The following KLKB1 variants were observed in gnomAD, a reference collection of about 807,000 sequenced individuals.
KLKB1 encodes kallikrein B1.
Under a neutral mutation model 73.6 loss-of-function variants are expected in KLKB1, and 58 were observed. That is an observed-to-expected ratio of 0.79 (90% CI 0.64 to 0.98). The LOEUF (loss-of-function observed/expected upper bound fraction) is 0.98, where lower values mean the gene tolerates loss of function less well. KLKB1 is among the 50% of genes least tolerant of loss of function. The pLI is 0.00. For missense variants in KLKB1, 737 were observed against 763.8 expected, an observed-to-expected ratio of 0.96 and a Z score of 0.41; for synonymous variants, 280 against 258.1, an observed-to-expected ratio of 1.08 and a Z score of -0.81.
chr4:186,236,871 G>T lies in KLKB1; in HGVS notation c.419G>T (p.Arg140Met), dbSNP rs1361582656. The change falls in exon 5 of 15, where the codon AGG (arginine) becomes ATG (methionine). Residue 140 changes from arginine to methionine, a missense_variant. By Grantham distance (91) the Arg-to-Met change is moderately conservative. Transcript: ENST00000264690. ...KVSSVEECQK[R>M]CTSNIRCQFF... ...AGCAGTGTTGAAGAATGCCAAAAAA[G>T]GTGCACCAGTAACATTCGCTGCCAG... 1 of 1,613,882 alleles carries T rather than the reference G, an allele frequency of 6.2e-7. No homozygotes were observed. The highest frequency in any genetic ancestry group is 1.3e-5 in the African/African-American group (1 of 74,946).
At chr4:186,254,860 C>A in intron 12 of KLKB1, 97 bp downstream of exon 12, 3 of 1,094,282 alleles carry the variant, frequency 2.7e-6, no homozygotes, top group East Asian at 2.5e-5. Context: ...AGACTGTCGT[C>A]GTTTTCTGAC....
Position 186,258,199 on chromosome 4 carries a change from A to G in KLKB1, c.1904A>G (p.Gln635Arg), listed in dbSNP as rs1273015491. 2 of 1,614,042 alleles carry G rather than the reference A, an allele frequency of 1.2e-6. No homozygotes were observed. Among genetic ancestry groups the G allele is most frequent in the Admixed American group, 1.7e-5 (1 of 59,996 alleles). The change falls in exon 15 of 15, where the codon CAG (glutamine) becomes CGG (arginine). Residue 635 changes from glutamine (Q) to arginine (R), a missense_variant. By Grantham distance (43) the Gln-to-Arg change is conservative. Transcript: ENST00000264690. ...TQSSDGKAQM[Q>R]SPA The stretch of plus-strand genomic sequence containing the variant: ...AGCAGTGATGGAAAAGCTCAGATGC[A>G]GTCACCAGCATGAGAAGCAGTCCAG...
chr4:186,225,624 T>TG (rs770886661), upstream of KLKB1, among the ~76,000 whole-genome samples: 62 of 151,724 alleles, frequency 4.1e-4, no homozygotes, highest in Non-Finnish European at 1.0e-4. Context: ...TTAGTAGAGA[T>TG]GGGGTTTCAC....
intron 6 of KLKB1, 27 bp downstream of exon 6, chr4:186,238,392 G>T (rs1737820184): frequency 6.7e-7 from 1 of 1,488,422 alleles, no homozygotes; most frequent in Non-Finnish European, 9.4e-7. Flanking sequence ...TTCACTTTGT[G>T]ATTGTGGTAG....
chr4:186,249,376 T>C (rs1202476063), intron 6 of KLKB1, among the ~76,000 whole-genome samples: 1 of 152,246 alleles, frequency 6.6e-6, no homozygotes, highest in African/African-American at 2.4e-5. Context: ...ATGTGGGTAT[T>C]CAGTTATTCC....
At chr4:186,231,712 G>C (rs900506892) in intron 2 of KLKB1, among the ~76,000 whole-genome samples, 1 of 152,210 alleles carries the variant, frequency 6.6e-6, no homozygotes, top group Admixed American at 6.5e-5. Flanking sequence ...AACAAAGCCT[G>C]CCTCTAATTT....
At chr4:186,238,999 TGTTATA>T (rs1433518741) in intron 6 of KLKB1, among the ~76,000 whole-genome samples, 4 of 123,768 alleles carry the variant, frequency 3.2e-5, no homozygotes, top group Admixed American at 8.2e-5. Flanking sequence ...ACAGTGATAT[TGTTATA>T]GTTATAGGAA....
At chr4:186,254,795 G>T in intron 12 of KLKB1, 32 bp downstream of exon 12, 1 of 1,563,120 alleles carries the variant, frequency 6.4e-7, no homozygotes, top group South Asian at 1.1e-5. Flanking sequence ...GTGGAGAGCA[G>T]AATTGCGCTG....
intron 4 of KLKB1, 120 bp downstream of exon 4, chr4:186,234,178 T>C: frequency 1.3e-6 from 1 of 754,142 alleles, no homozygotes; most frequent in Non-Finnish European, 2.4e-6. Flanking sequence ...AGATAGGAGA[T>C]GGGGCAGTAT....
At position 186,236,865 on chromosome 4, in the gene KLKB1, A is replaced by G; in HGVS notation, c.413A>G (p.Gln138Arg). ...AAGGTTAGCAGTGTTGAAGAATGCC[A>G]AAAAAGGTGCACCAGTAACATTCGC... ...VSKVSSVEEC[Q>R]KRCTSNIRCQ... Residue 138 changes from glutamine (Q) to arginine (R), a missense_variant, in exon 5 of 15, where the codon CAA (glutamine) becomes CGA (arginine). Physicochemically the swap from Gln to Arg is conservative, Grantham distance 43 (BLOSUM62 1). Transcript: ENST00000264690. The G allele has an allele frequency of 6.2e-7, 1 of 1,612,870 alleles. No homozygotes were observed. Among genetic ancestry groups the G allele is most frequent in the Non-Finnish European group, 8.5e-7 (1 of 1,178,934 alleles).
chr4:186,220,351 C>A (rs1579985996), intron 2 of KLKB1, among the ~76,000 whole-genome samples: 1 of 152,274 alleles, frequency 6.6e-6, no homozygotes. Flanking sequence ...AAAGGCCATT[C>A]CACCGTTCTA....
At chr4:186,221,300 C>T (rs1015456311) in intron 2 of KLKB1, among the ~76,000 whole-genome samples, 2 of 149,758 alleles carry the variant, frequency 1.3e-5, no homozygotes, top group Admixed American at 1.3e-4. Flanking sequence ...TATCTCTGCT[C>T]TGATCTTTAT....
chr4:186,234,636 A>G (rs1158146787), intron 4 of KLKB1, among the ~76,000 whole-genome samples: 5 of 152,212 alleles, frequency 3.3e-5, no homozygotes, highest in African/African-American at 1.2e-4. Context: ...AAACTCTGTG[A>G]TATACCACTA....
chr4:186,251,774 A>G lies in KLKB1; in HGVS notation c.1057A>G (p.Met353Val), dbSNP rs956494582. The change falls in exon 10 of 15, where the codon ATG (methionine) becomes GTG (valine). Residue 353 changes from methionine to valine, a missense_variant. Physicochemically the swap from Met to Val is conservative, Grantham distance 21 (BLOSUM62 1). Coordinates refer to ENST00000264690, the MANE Select transcript of KLKB1 (RefSeq NM_000892.5). ...EKCKCFLRLS[M>V]DGSPTRIAYG... ...GTGTAAGTGTTTCTTAAGATTATCT[A>G]TGGATGGTTCTCCAACTAGGATTGC... 2 of 1,613,748 alleles carry G rather than the reference A, an allele frequency of 1.2e-6. No individual in the cohort carries two copies. Among genetic ancestry groups the G allele is most frequent in the African/African-American group, 1.3e-5 (1 of 74,914 alleles).
rs564186543 is a variant in KLKB1 at position 186,242,882 on chromosome 4, G to A, written c.598+4517G>A. 2.0e-5 allele frequency among the ~76,000 whole-genome samples: 3 copies of A among 148,876 alleles called. No individual in the cohort carries two copies. In the South Asian group the frequency reaches 6.3e-4, roughly 31 times the overall value. On this transcript the variant is annotated intron_variant, in intron 6 of 14. Transcript: ENST00000264690. The stretch of plus-strand genomic sequence containing the variant: ...GTATGAAGGTTTTACTGAATACCAA[G>A]AGCCTGAGAAACTGCTTGGGTGATT...
chr4:186,233,962 T>C lies in KLKB1; in HGVS notation c.232T>C (p.Phe78Leu). ...INDMEKRFGCFLKDSVTGTLP... is the reference protein window; with the variant it reads ...INDMEKRFGCLLKDSVTGTLP... ...CTACTTTTAAAATAGGTTTGGTTGC[T>C]TCTTGAAAGATAGTGTTACAGGAAC... The change falls in exon 4 of 15, where the codon TTC (phenylalanine) becomes CTC (leucine). Residue 78 changes from phenylalanine (F) to leucine (L), a missense_variant. Transcript: ENST00000264690. 1 of 1,613,268 alleles carries C rather than the reference T, an allele frequency of 6.2e-7. No individual in the cohort carries two copies. Among genetic ancestry groups the C allele is most frequent in the Non-Finnish European group, 8.5e-7 (1 of 1,179,180 alleles).
At chr4:186,241,535 G>C (rs1738051380) in intron 6 of KLKB1, among the ~76,000 whole-genome samples, 1 of 152,118 alleles carries the variant, frequency 6.6e-6, no homozygotes, top group Non-Finnish European at 1.5e-5. Context: ...CATAGATCTT[G>C]AGAGATGTCA....
At chr4:186,247,062 G>C (rs2126660601) in intron 6 of KLKB1, among the ~76,000 whole-genome samples, 1 of 152,262 alleles carries the variant, frequency 6.6e-6, no homozygotes, top group South Asian at 2.1e-4. Flanking sequence ...GTAAAAAGAG[G>C]CTGCTTACCC....
chr4:186,248,756 T>C (rs1738518449), intron 6 of KLKB1, among the ~76,000 whole-genome samples: 1 of 152,138 alleles, frequency 6.6e-6, no homozygotes, highest in South Asian at 2.1e-4. Flanking sequence ...TGCCAAACTG[T>C]TTTTGAGAGC....
Sources: allele counts gnomAD v4.1 joint callset (sites outside exome capture counted in the v4.1 genomes callset), GRCh38; gene constraint gnomAD v4.1.1; transcripts MANE v1.5; gene names NCBI Gene and HGNC (gene_info 2026-07-23, HGNC 2026-07-21).